ARHGEF37: variants seen among roughly 807,000 people sequenced by gnomAD.
ARHGEF37 encodes the protein Rho guanine nucleotide exchange factor (GEF) 37.
Under a neutral mutation model 71.1 loss-of-function variants are expected in ARHGEF37, and 55 were observed. The ratio of observed to expected loss-of-function variants is 0.77; its 90% CI spans 0.62 to 0.97. ARHGEF37 has a LOEUF of 0.97. Among genes scored for constraint, ARHGEF37 ranks in the 50% least tolerant of loss-of-function variants. The probability of loss-of-function intolerance (pLI) is 0.00; values close to 1 mark genes in which losing one functional copy is unlikely to be tolerated. For missense variants in ARHGEF37, 765 were observed against 836.8 expected, an observed-to-expected ratio of 0.91 and a Z score of 1.06; for synonymous variants, 327 against 350.6, an observed-to-expected ratio of 0.93 and a Z score of 0.75.
At chr5:149,593,755 G>A (rs1265549289) in intron 1 of ARHGEF37, among the ~76,000 whole-genome samples, 2 of 152,086 alleles carry the variant, frequency 1.3e-5, no homozygotes, top group South Asian at 2.1e-4. Flanking sequence ...TTTACTATTC[G>A]CTAAGTGGAA....
At chr5:149,631,632 T>A (rs1225456321) in intron 12 of ARHGEF37, among the ~76,000 whole-genome samples, 1 of 152,128 alleles carries the variant, frequency 6.6e-6, no homozygotes, top group East Asian at 1.9e-4. Context: ...AAATATCTGT[T>A]TGGAGGTCAG....
chr5:149,616,472 C>A, intron 4 of ARHGEF37, 95 bp from the exon 5 acceptor site: 1 of 1,217,838 alleles, frequency 8.2e-7, no homozygotes, highest in Non-Finnish European at 1.1e-6. Context: ...TGAGATCACA[C>A]AGTGAGCTAA....
chr5:149,592,429 A>G (rs1326221269), intron 1 of ARHGEF37, among the ~76,000 whole-genome samples: 1 of 152,224 alleles, frequency 6.6e-6, no homozygotes, highest in Non-Finnish European at 1.5e-5. Flanking sequence ...TTTTTCACAT[A>G]GCATCATGCC....
chr5:149,604,954 T>C (rs1763876038), intron 3 of ARHGEF37, among the ~76,000 whole-genome samples: 2 of 151,374 alleles, frequency 1.3e-5, no homozygotes, highest in South Asian at 4.3e-4. Flanking sequence ...AGACTGGGCA[T>C]GGTGGCTCAC....
chr5:149,565,520 A>G (rs1228849402), intron 1 of ARHGEF37, among the ~76,000 whole-genome samples: 1 of 152,230 alleles, frequency 6.6e-6, no homozygotes, highest in Non-Finnish European at 1.5e-5. Context: ...GGGCAAAAGC[A>G]TACTGGCTAC....
chr5:149,599,411 CA>C (rs1223801976), intron 2 of ARHGEF37, among the ~76,000 whole-genome samples: 4 of 78,340 alleles, frequency 5.1e-5, no homozygotes, highest in African/African-American at 3.6e-4. Context: ...AGGCTCGGCT[CA>C]CCCAGGAAAG....
intron 10 of ARHGEF37, 138 bp from the exon 11 acceptor site, chr5:149,626,938 T>C (rs979747614): frequency 2.4e-6 from 2 of 821,048 alleles, no homozygotes; most frequent in Admixed American, 5.1e-5. Context: ...CCTGTTGCCC[T>C]GATCAGGGTG....
At chr5:149,608,347 C>T (rs1012450595) in intron 3 of ARHGEF37, among the ~76,000 whole-genome samples, 6 of 145,540 alleles carry the variant, frequency 4.1e-5, no homozygotes, top group African/African-American at 1.0e-4. Context: ...ATGAGGATGG[C>T]GATTAAAAAT....
chr5:149,619,127 G>A lies in ARHGEF37; in HGVS notation c.894+85G>A, dbSNP rs938716168. 1.6e-5 allele frequency: 18 copies of A among 1,144,376 alleles called. No individual in the cohort carries two copies. In the Admixed American group the frequency reaches 3.1e-4, roughly 20 times the overall value. The allele number at this position is 1,144,376 out of a possible 1,614,324, so 70.9% of individuals were successfully genotyped here. ...CTTGCAGGGCCCAGCCTACAAGCTG[G>A]GAAAGGCACCAGCCTCAGAAACCAA... is the stretch of plus-strand genomic sequence containing the variant. On this transcript the variant is annotated intron_variant, in intron 7 of 12. Transcript: ENST00000333677.
At chr5:149,608,108 T>C (rs1763968475) in intron 3 of ARHGEF37, among the ~76,000 whole-genome samples, 1 of 151,912 alleles carries the variant, frequency 6.6e-6, no homozygotes, top group Non-Finnish European at 1.5e-5. Flanking sequence ...ATAAAAAACA[T>C]TGATCAGTTA....
intron 3 of ARHGEF37, among the ~76,000 whole-genome samples, chr5:149,607,591 C>G (rs1301797885): frequency 6.6e-6 from 1 of 152,102 alleles, no homozygotes; most frequent in East Asian, 1.9e-4. Context: ...CACCTGGGTG[C>G]AGGCGGGCTG....
intron 10 of ARHGEF37, among the ~76,000 whole-genome samples, chr5:149,624,688 T>G (rs4075280): frequency 0.77 from 117,865 of 152,146 alleles, 46,640 homozygotes; most frequent in African/African-American, 0.94. Context: ...AGAATTGCTT[T>G]AGCCTGGAAG....
intron 8 of ARHGEF37, among the ~76,000 whole-genome samples, chr5:149,621,105 T>C (rs1470589248): frequency 6.6e-6 from 1 of 152,156 alleles, no homozygotes; most frequent in East Asian, 1.9e-4. Flanking sequence ...GGGTCATTTA[T>C]ACAGATGGTC....
intron 1 of ARHGEF37, among the ~76,000 whole-genome samples, chr5:149,594,184 T>TA (rs1308883512): frequency 2.0e-5 from 3 of 152,226 alleles, no homozygotes; most frequent in Non-Finnish European, 2.9e-5. Flanking sequence ...CTAGGAGGTC[T>TA]AGATTGCAAT....
chr5:149,591,546 G>A (rs971791778), intron 1 of ARHGEF37, among the ~76,000 whole-genome samples: 1 of 152,134 alleles, frequency 6.6e-6, no homozygotes, highest in Non-Finnish European at 1.5e-5. Context: ...CATTTGCCTG[G>A]CTTCTCCCAG....
chr5:149,585,783 T>G (rs2113273331), intron 1 of ARHGEF37, among the ~76,000 whole-genome samples: 1 of 152,368 alleles, frequency 6.6e-6, no homozygotes, highest in South Asian at 2.1e-4. Flanking sequence ...CCTTCCAAAG[T>G]GCTCGGATTA....
intron 1 of ARHGEF37, among the ~76,000 whole-genome samples, chr5:149,574,315 C>T (rs1458517996): frequency 6.6e-6 from 1 of 152,196 alleles, no homozygotes; most frequent in Non-Finnish European, 1.5e-5. Context: ...TCAGACAATA[C>T]TTGGAAGGGT....
At chr5:149,620,160 G>C (rs1322573494) in intron 7 of ARHGEF37, among the ~76,000 whole-genome samples, 194 bp from the exon 8 acceptor site, 1 of 152,164 alleles carries the variant, frequency 6.6e-6, no homozygotes, top group Non-Finnish European at 1.5e-5. Context: ...TGAGGAGAAA[G>C]ATGTTGACTC....
chr5:149,573,664 C>A (rs1164808122), intron 1 of ARHGEF37, among the ~76,000 whole-genome samples: 1 of 152,130 alleles, frequency 6.6e-6, no homozygotes, highest in African/African-American at 2.4e-5. Flanking sequence ...GAGACAGGAA[C>A]TTTTTCTGTC....
Sources: gnomAD v4.1 joint callset for allele counts (sites outside exome capture counted in the v4.1 genomes callset) on GRCh38, gnomAD v4.1.1 for gene constraint, MANE v1.5 for transcripts, NCBI Gene and HGNC (gene_info 2026-07-23, HGNC 2026-07-21) for gene names.